Variants in RBFOX3 observed in about 807,000 individuals in gnomAD.
RBFOX3 encodes RNA binding protein fox-1 homolog 3.
Under a neutral mutation model 48.7 loss-of-function variants are expected in RBFOX3, and 17 were observed. The ratio of observed to expected loss-of-function variants is 0.35; its 90% CI spans 0.24 to 0.52. The LOEUF (loss-of-function observed/expected upper bound fraction) is 0.52. Ranked by LOEUF, RBFOX3 falls within the 20% of genes least tolerant of loss-of-function variation. The pLI is 0.94. For synonymous variants in RBFOX3, 212 were observed against 209.5 expected (o/e 1.01, Z -0.10); for missense variants, 382 against 497.5 (o/e 0.77, Z 2.21).
intron 2 of RBFOX3, among the ~76,000 whole-genome samples, chr17:79,336,243 C>T (rs1326601002): frequency 5.9e-5 from 9 of 151,848 alleles, no homozygotes; most frequent in Non-Finnish European, 8.8e-5. Flanking sequence ...AAAACTTAGC[C>T]GGGCATGGTG....
Position 79,311,199 on chromosome 17 carries a change from G to A in RBFOX3, c.-174-3375C>T, listed in dbSNP as rs372745509. Among the ~76,000 whole-genome samples the A allele has an allele frequency of 1.1e-4, 16 of 152,284 alleles. No homozygotes were observed. Among genetic ancestry groups the A allele is most frequent in the African/African-American group, 3.6e-4 (15 of 41,572 alleles). ...TATAATCCCAGCACTTTGGGAGGCC[G>A]AGGCGGGTAGATCACCTGAGGTCAG... On this transcript the variant is annotated intron_variant, in intron 2 of 14. Coordinates refer to ENST00000693108, the MANE Select transcript of RBFOX3 (RefSeq NM_001350451.2). The surrounding 1 kb of genome is among the most constrained non-coding windows in gnomAD (Gnocchi z 4.2).
At chr17:79,260,456 C>T (rs1043695374) in intron 3 of RBFOX3, among the ~76,000 whole-genome samples, 1 of 152,224 alleles carries the variant, frequency 6.6e-6, no homozygotes, top group Non-Finnish European at 1.5e-5. Flanking sequence ...AAGAACGTGG[C>T]CTGAGAAGGG....
chr17:79,628,429 T>C, the RBFOX3 span, among the ~76,000 whole-genome samples: 1 of 152,302 alleles, frequency 6.6e-6, no homozygotes, highest in African/African-American at 2.4e-5. Context: ...GGTGCATAGA[T>C]GCAATCCCTG....
In RBFOX3 at chr17:79,473,643, C is replaced by T. The variant is rs1291698450; in HGVS notation, c.-175+8811G>A. Among the ~76,000 whole-genome samples the T allele has an allele frequency of 2.6e-5, 4 of 152,188 alleles. No individual in the cohort carries two copies. Among genetic ancestry groups the T allele is most frequent in the South Asian group, 2.1e-4 (1 of 4,828 alleles). Reference sequence around the variant, plus strand: ...TAATGTTGACATCCTGATGAACCCCCGCTGGTGACGGCAGGTGGCCACACC... The same window carrying T: ...TAATGTTGACATCCTGATGAACCCCTGCTGGTGACGGCAGGTGGCCACACC... On this transcript the variant is annotated intron_variant, in intron 2 of 14. Transcript: ENST00000693108. The surrounding 1 kb of genome is among the most constrained non-coding windows in gnomAD (Gnocchi z 4.2).
At chr17:79,538,953 G>A (rs782215340) in intron 1 of RBFOX3, among the ~76,000 whole-genome samples, 2 of 152,116 alleles carry the variant, frequency 1.3e-5, no homozygotes, top group African/African-American at 4.8e-5. Context: ...ACATAAATAC[G>A]CATGCAAACA....
chr17:79,563,154 A>G (rs958491788), intron 1 of RBFOX3, among the ~76,000 whole-genome samples: 5 of 152,236 alleles, frequency 3.3e-5, no homozygotes, highest in Non-Finnish European at 5.9e-5. Flanking sequence ...CAACAGGATC[A>G]ATAGCCCACA....
At chr17:79,240,580 G>A (rs2062213409) in intron 3 of RBFOX3, among the ~76,000 whole-genome samples, 1 of 152,124 alleles carries the variant, frequency 6.6e-6, no homozygotes, top group Non-Finnish European at 1.5e-5. Context: ...GCCCCATTAG[G>A]GACACATTCC....
chr17:79,467,605 C>A (rs1309810296), intron 2 of RBFOX3, among the ~76,000 whole-genome samples: 1 of 152,144 alleles, frequency 6.6e-6, no homozygotes, highest in Non-Finnish European at 1.5e-5. Flanking sequence ...CAGCTCTGCT[C>A]CTGAGCTGCC....
chr17:79,664,436 C>G, the RBFOX3 span, among the ~76,000 whole-genome samples: 3 of 151,964 alleles, frequency 2.0e-5, no homozygotes, highest in Non-Finnish European at 2.9e-5. Context: ...GGCTCCGCCC[C>G]CCGGGGTTCA....
chr17:79,320,180 G>C (rs1340328148), intron 2 of RBFOX3, among the ~76,000 whole-genome samples: 1 of 152,206 alleles, frequency 6.6e-6, no homozygotes, highest in African/African-American at 2.4e-5. Context: ...GAAGGCTGTG[G>C]TGGACTTGCT....
At position 79,351,994 on chromosome 17, in the gene RBFOX3, C is replaced by T. The variant is rs139508949; in HGVS notation, c.-174-44170G>A. ...GGGGATCTTAGAGGCCTGTGAACCC[C>T]GGCTTCTACTGAGAGGAGAAGCTTC... On this transcript the variant is annotated intron_variant, in intron 2 of 14. Transcript: ENST00000693108. 4.2e-3 allele frequency among the ~76,000 whole-genome samples: 639 copies of T among 152,216 alleles called. 1 individual carries two copies. The highest frequency in any genetic ancestry group is 0.024 in the Middle Eastern group (7 of 294).
chr17:79,623,484 T>C, the RBFOX3 span, among the ~76,000 whole-genome samples: 132 of 152,060 alleles, frequency 8.7e-4, no homozygotes, highest in Non-Finnish European at 1.8e-3. Context: ...TCCTGGATGA[T>C]CCAGGTGGCC....
intron 2 of RBFOX3, among the ~76,000 whole-genome samples, chr17:79,417,374 A>G (rs2065545379): frequency 2.0e-5 from 3 of 152,102 alleles, no homozygotes; most frequent in African/African-American, 7.2e-5. Flanking sequence ...CAGAGAGGAC[A>G]CCCCTGGCCC....
rs2057404020 is a variant in RBFOX3, at chr17:79,364,246, G to A, written c.-174-56422C>T. On this transcript the variant is annotated intron_variant, in intron 2 of 14. Coordinates refer to ENST00000693108, the MANE Select transcript of RBFOX3 (RefSeq NM_001350451.2). The surrounding 1 kb of genome is among the most constrained non-coding windows in gnomAD (Gnocchi z 5.1). ...GGTCTGGCACAAAGTGAGCAGAGAT[G>A]GTAGCCATCAGTTGACAGGATCACC... Among the ~76,000 whole-genome samples the A allele has an allele frequency of 1.3e-5, 2 of 152,334 alleles. No homozygotes were observed. The highest frequency in any genetic ancestry group is 1.3e-4 in the Admixed American group (2 of 15,312).
chr17:79,318,854 CAAAAAAAAAAAAA>C lies in RBFOX3; in HGVS notation c.-174-11043_-174-11031del, dbSNP rs71161660. 1.7e-3 allele frequency among the ~76,000 whole-genome samples: 54 copies of C among 32,526 alleles called. 2 individuals carry two copies. Among genetic ancestry groups the C allele is most frequent in the Admixed American group, 3.1e-3 (6 of 1,960 alleles). 21.3% of individuals were successfully genotyped at this position (32,526 alleles called of 152,430 possible). ...TGGGTGACAGAGCGAGACTCCATCTCAAAAAAAAAAAAAAAAAAAAAAAAAAGGGATGGAGGGA... is the reference window on the plus strand; with the variant it reads ...TGGGTGACAGAGCGAGACTCCATCTCAAAAAAAAAAAAAGGGATGGAGGGA... On this transcript the variant is annotated intron_variant, in intron 2 of 14. Transcript: ENST00000693108.
intron 1 of RBFOX3, among the ~76,000 whole-genome samples, chr17:79,517,462 CAAACAA>C (rs1258822861): frequency 1.8e-4 from 23 of 125,842 alleles, no homozygotes; most frequent in African/African-American, 6.5e-4. Flanking sequence ...AAAAAAAAAA[CAAACAA>C]AAACAAAAGA....
chr17:79,406,066 G>A (rs1023729609), intron 2 of RBFOX3, among the ~76,000 whole-genome samples: 3 of 152,130 alleles, frequency 2.0e-5, no homozygotes, highest in Admixed American at 6.5e-5. Context: ...TAATGCCCCA[G>A]GGTTTATTTA....
At chr17:79,528,845 G>A (rs1367163521) in intron 1 of RBFOX3, among the ~76,000 whole-genome samples, 1 of 152,110 alleles carries the variant, frequency 6.6e-6, no homozygotes. Context: ...CCTCGCAGGG[G>A]ATGACCGCCC....
intron 1 of RBFOX3, among the ~76,000 whole-genome samples, chr17:79,505,662 G>A (rs1555778512): frequency 6.6e-6 from 1 of 152,228 alleles, no homozygotes; most frequent in Non-Finnish European, 1.5e-5. Context: ...AAGCAGAGGT[G>A]TATGAGCCTG....
Sources: gnomAD v4.1 joint callset for allele counts (sites outside exome capture counted in the v4.1 genomes callset) on GRCh38, gnomAD v4.1.1 for gene constraint, Gnocchi (gnomAD v3.1) non-coding constraint, MANE v1.5 for transcripts, NCBI Gene and HGNC (gene_info 2026-07-23, HGNC 2026-07-21) for gene names.